Variants in NDST4 observed in about 807,000 individuals in gnomAD.
NDST4 encodes N-heparan sulfate sulfotransferase 4.
In NDST4, 63 loss-of-function variants were observed where a neutral mutation model predicts 100.8. The observed-to-expected ratio is 0.62, with a 90% CI of 0.51 to 0.77. The LOEUF is 0.77. NDST4 is among the 30% of genes least tolerant of loss of function. The pLI is 0.00. For synonymous variants in NDST4, 377 were observed against 361.8 expected (o/e 1.04, Z -0.48); for missense variants, 943 against 1,018.4 (o/e 0.93, Z 1.01).
chr4:114,884,973 T>C (rs116763202), intron 6 of NDST4, among the ~76,000 whole-genome samples: 128 of 152,266 alleles, frequency 8.4e-4, no homozygotes, highest in African/African-American at 3.0e-3. Context: ...CATAAGATGA[T>C]CTGAGAAACT....
intron 2 of NDST4, among the ~76,000 whole-genome samples, chr4:115,064,876 C>T: frequency 6.6e-6 from 1 of 152,084 alleles, no homozygotes; most frequent in Non-Finnish European, 1.5e-5. Flanking sequence ...ACACTGCCAA[C>T]CCAATGGGGC....
intron 6 of NDST4, among the ~76,000 whole-genome samples, chr4:114,885,881 C>T (rs1347131225): frequency 6.6e-6 from 1 of 151,774 alleles, no homozygotes; most frequent in Non-Finnish European, 1.5e-5. Context: ...CTAGTAAAAC[C>T]AGAGCAGGAA....
At chr4:114,891,112 G>A (rs989074807) in intron 6 of NDST4, among the ~76,000 whole-genome samples, 9 of 152,074 alleles carry the variant, frequency 5.9e-5, no homozygotes, top group Non-Finnish European at 1.0e-4. Flanking sequence ...TGACAATGAT[G>A]ACTTTTCCTT....
intron 2 of NDST4, among the ~76,000 whole-genome samples, chr4:115,011,266 A>T (rs1021466977): frequency 2.0e-5 from 3 of 151,924 alleles, no homozygotes; most frequent in Non-Finnish European, 2.9e-5. Context: ...GATAGGCCAA[A>T]CAATTACCTT....
intron 4 of NDST4, among the ~76,000 whole-genome samples, chr4:114,960,568 G>T (rs1295149265): frequency 6.6e-6 from 1 of 151,906 alleles, no homozygotes; most frequent in Non-Finnish European, 1.5e-5. Flanking sequence ...ATAAAAGAAA[G>T]AAAGAAATAA....
intron 10 of NDST4, chr4:114,842,618 TAAAAAAA>T (rs71584042): frequency 3.2e-3 from 131 of 40,948 alleles, no homozygotes; most frequent in Middle Eastern, 0.019. Flanking sequence ...CAGTCTCTAC[TAAAAAAA>T]AAAAAAAAAA....
intron 6 of NDST4, among the ~76,000 whole-genome samples, chr4:114,926,196 T>C (rs542736812): frequency 6.6e-6 from 1 of 152,182 alleles, no homozygotes; most frequent in African/African-American, 2.4e-5. Context: ...GAAGGCATGA[T>C]AAGAATCTAA....
At chr4:115,057,125 G>T (rs1055517872) in intron 2 of NDST4, among the ~76,000 whole-genome samples, 1 of 151,986 alleles carries the variant, frequency 6.6e-6, no homozygotes, top group Non-Finnish European at 1.5e-5. Context: ...TGCTTCTTTT[G>T]GTTATAAGAA....
At chr4:115,071,393 T>G (rs1729075611) in intron 2 of NDST4, among the ~76,000 whole-genome samples, 1 of 152,016 alleles carries the variant, frequency 6.6e-6, no homozygotes, top group Non-Finnish European at 1.5e-5. Context: ...TATTCCAGTC[T>G]AATTGTGGAA....
chr4:115,014,782 T>C (rs1727639679), intron 2 of NDST4, among the ~76,000 whole-genome samples: 1 of 152,072 alleles, frequency 6.6e-6, no homozygotes, highest in South Asian at 2.1e-4. Context: ...CTTGGATAAC[T>C]ACTCTACTTT....
At chr4:115,057,727 C>CAT (rs1728729500) in intron 2 of NDST4, among the ~76,000 whole-genome samples, 1 of 83,184 alleles carries the variant, frequency 1.2e-5, no homozygotes, top group Non-Finnish European at 2.1e-5. Flanking sequence ...CACACACACA[C>CAT]ACACACAGAC....
intron 2 of NDST4, among the ~76,000 whole-genome samples, chr4:115,049,127 G>T (rs1728527581): frequency 6.6e-6 from 1 of 152,142 alleles, no homozygotes; most frequent in Non-Finnish European, 1.5e-5. Flanking sequence ...GTAACAGAAT[G>T]TGTTGCCTCA....
chr4:114,953,667 ATG>A (rs1726071349), intron 4 of NDST4, among the ~76,000 whole-genome samples: 1 of 152,186 alleles, frequency 6.6e-6, no homozygotes, highest in South Asian at 2.1e-4. Flanking sequence ...GCAGTAAGTT[ATG>A]TGTTTTAGGA....
At chr4:115,066,201 A>T (rs505696) in intron 2 of NDST4, among the ~76,000 whole-genome samples, 36,714 of 152,128 alleles carry the variant, frequency 0.24, 5,920 homozygotes, top group East Asian at 0.46. Context: ...TAATAAAGAC[A>T]GATTCACAAA....
At chr4:114,906,977 C>T (rs553482759) in intron 6 of NDST4, among the ~76,000 whole-genome samples, 1 of 152,124 alleles carries the variant, frequency 6.6e-6, no homozygotes, top group African/African-American at 2.4e-5. Flanking sequence ...TTCTTCAAAA[C>T]TGTATCTTAA....
At chr4:115,082,680 T>G (rs1166520802) in intron 1 of NDST4, among the ~76,000 whole-genome samples, 2 of 152,200 alleles carry the variant, frequency 1.3e-5, no homozygotes, top group East Asian at 3.9e-4. Context: ...TTACTCTTTA[T>G]GGATCTATTT....
chr4:114,907,291 G>A (rs1032596943), intron 6 of NDST4, among the ~76,000 whole-genome samples: 2 of 152,126 alleles, frequency 1.3e-5, no homozygotes, highest in Non-Finnish European at 2.9e-5. Context: ...CTGCTCTTGA[G>A]GGCCTGCCCT....
intron 7 of NDST4, among the ~76,000 whole-genome samples, chr4:114,864,164 T>G (rs576726233): frequency 2.0e-5 from 3 of 152,220 alleles, no homozygotes; most frequent in African/African-American, 4.8e-5. Flanking sequence ...AGATTGATGA[T>G]CCTCATCCAG....
rs563281188 is a variant in NDST4, at chr4:115,093,392, G to A, written c.-246-16110C>T. 9.9e-5 allele frequency among the ~76,000 whole-genome samples: 15 copies of A among 151,936 alleles called. No individual in the cohort carries two copies. In the South Asian group the frequency reaches 1.2e-3, roughly 13 times the overall value. On this transcript the variant is annotated intron_variant, in intron 1 of 13. Coordinates refer to ENST00000264363, the MANE Select transcript of NDST4 (RefSeq NM_022569.3). ...CTAGAGGCTGAGGCAGGAGAATGGC[G>A]TGAATCCGGGAGGCAGAGCTTGTAG...
Sources: gnomAD v4.1 joint callset for allele counts (sites outside exome capture counted in the v4.1 genomes callset) on GRCh38, gnomAD v4.1.1 for gene constraint, MANE v1.5 for transcripts, NCBI Gene and HGNC (gene_info 2026-07-23, HGNC 2026-07-21) for gene names.